Variants in EIF4E3 observed in about 807,000 individuals in gnomAD.
EIF4E3 encodes the protein eukaryotic translation initiation factor 4E family member 3.
Under a neutral mutation model 31.7 loss-of-function variants are expected in EIF4E3, and 26 were observed. That is an observed-to-expected ratio of 0.82 (90% CI 0.60 to 1.14). The LOEUF (loss-of-function observed/expected upper bound fraction) is 1.14. Ranked by LOEUF, EIF4E3 falls within the 50% of genes most tolerant of loss-of-function variation. EIF4E3 has a pLI of 0.00. For missense variants in EIF4E3, 304 were observed against 270.9 expected (o/e 1.12, Z -0.86); for synonymous variants, 128 against 107.7 (o/e 1.19, Z -1.17).
intron 1 of EIF4E3, among the ~76,000 whole-genome samples, chr3:71,741,192 G>GTGCACACA (rs1553669119): frequency 2.4e-5 from 3 of 125,850 alleles, no homozygotes; most frequent in South Asian, 2.4e-4. Context: ...GCACATGCAC[G>GTGCACACA]CGCACACACA....
intron 1 of EIF4E3, among the ~76,000 whole-genome samples, chr3:71,711,578 G>A (rs1377745605): frequency 2.6e-5 from 4 of 152,232 alleles, no homozygotes; most frequent in Admixed American, 6.5e-5. Context: ...AGAGGTGGAG[G>A]CAATGCCAAA....
chr3:71,698,754 G>T (rs1354042199), intron 3 of EIF4E3, among the ~76,000 whole-genome samples: 5 of 152,202 alleles, frequency 3.3e-5, no homozygotes, highest in African/African-American at 1.2e-4. Flanking sequence ...GCATAGGAAG[G>T]CCACTTTGCC....
intron 1 of EIF4E3, among the ~76,000 whole-genome samples, chr3:71,717,311 C>T (rs975925634): frequency 1.3e-5 from 2 of 152,128 alleles, no homozygotes. Context: ...GTAAGAAATG[C>T]TAACTTGGAA....
At chr3:71,702,754 A>C (rs1230854074) in intron 2 of EIF4E3, among the ~76,000 whole-genome samples, 1 of 151,534 alleles carries the variant, frequency 6.6e-6, no homozygotes, top group East Asian at 1.9e-4. Flanking sequence ...ATGTGTCATT[A>C]AACTGGTCTG....
At chr3:71,688,533 G>T (rs947017267) in intron 6 of EIF4E3, among the ~76,000 whole-genome samples, 1 of 152,206 alleles carries the variant, frequency 6.6e-6, no homozygotes, top group Admixed American at 6.5e-5. Context: ...AACCTAAAGT[G>T]CCTGACTTAA....
intron 6 of EIF4E3, among the ~76,000 whole-genome samples, chr3:71,688,513 G>A (rs1424579499): frequency 2.6e-5 from 4 of 152,190 alleles, no homozygotes; most frequent in African/African-American, 9.7e-5. Flanking sequence ...CACTGGTGAA[G>A]TGGGACAAAA....
chr3:71,745,959 G>A (rs567506948), intron 1 of EIF4E3, among the ~76,000 whole-genome samples: 25 of 151,770 alleles, frequency 1.6e-4, no homozygotes, highest in African/African-American at 5.8e-4. Flanking sequence ...GTTTCTTTTC[G>A]ATATTGAAAG....
At chr3:71,686,380 G>A (rs1046882222) in intron 6 of EIF4E3, among the ~76,000 whole-genome samples, 7 of 151,986 alleles carry the variant, frequency 4.6e-5, no homozygotes, top group African/African-American at 1.2e-4. Flanking sequence ...CATCTTGGAC[G>A]TTCACCCCAA....
intron 3 of EIF4E3, among the ~76,000 whole-genome samples, chr3:71,698,536 T>A (rs1414847428): frequency 6.6e-6 from 1 of 152,178 alleles, no homozygotes; most frequent in African/African-American, 2.4e-5. Flanking sequence ...TTCTGTGAGA[T>A]CCACTCAGGC....
intron 1 of EIF4E3, among the ~76,000 whole-genome samples, chr3:71,717,840 A>G (rs562616274): frequency 1.3e-5 from 2 of 152,342 alleles, no homozygotes; most frequent in East Asian, 3.9e-4. Context: ...TGAGAATTTT[A>G]TGGATAATTA....
At chr3:71,709,024 G>A (rs1340454220) in intron 2 of EIF4E3, among the ~76,000 whole-genome samples, 5 of 152,034 alleles carry the variant, frequency 3.3e-5, no homozygotes, top group African/African-American at 9.7e-5. Flanking sequence ...CTTACAATCA[G>A]ATTCCTGGGA....
upstream of EIF4E3, chr3:71,725,493 G>T: frequency 8.7e-6 from 3 of 343,824 alleles, no homozygotes; most frequent in Non-Finnish European, 1.2e-5. This position sits in a 1 kb window ranked among gnomAD's most constrained non-coding sequence, Gnocchi z 6.1. Flanking sequence ...GCCGCCCGCC[G>T]CCCGCCGCCC....
intron 1 of EIF4E3, among the ~76,000 whole-genome samples, chr3:71,717,083 T>G (rs924847675): frequency 6.6e-6 from 1 of 152,238 alleles, no homozygotes; most frequent in Non-Finnish European, 1.5e-5. Context: ...TATGTATGCC[T>G]AGAGATGCTT....
intron 1 of EIF4E3, among the ~76,000 whole-genome samples, chr3:71,743,738 TAC>T (rs1436856525): frequency 6.6e-6 from 1 of 152,090 alleles, no homozygotes; most frequent in Non-Finnish European, 1.5e-5. Context: ...CAATAATGAA[TAC>T]AGTGTGACAT....
chr3:71,699,026 G>A (rs1424281071), intron 3 of EIF4E3, among the ~76,000 whole-genome samples: 2 of 152,076 alleles, frequency 1.3e-5, no homozygotes, highest in African/African-American at 2.4e-5. Flanking sequence ...TTCAAGACCA[G>A]CCTGGGCAAC....
downstream of EIF4E3, among the ~76,000 whole-genome samples, chr3:71,673,444 G>T (rs551276220): frequency 1.4e-4 from 22 of 152,036 alleles, no homozygotes; most frequent in Middle Eastern, 3.4e-3. Context: ...AGCCTCTGTG[G>T]TTACTGAATT....
chr3:71,731,291 C>T (rs1360561099), intron 1 of EIF4E3, among the ~76,000 whole-genome samples: 1 of 152,180 alleles, frequency 6.6e-6, no homozygotes, highest in Non-Finnish European at 1.5e-5. Context: ...TTTCCAAATC[C>T]ATGGCTGATC....
chr3:71,725,215 C>A lies in EIF4E3; in HGVS notation c.153G>T (p.Ser51=). 2.6e-6 allele frequency: 3 copies of A among 1,142,046 alleles called. No homozygotes were observed. Among genetic ancestry groups the A allele is most frequent in the South Asian group, 2.3e-5 (1 of 43,952 alleles). The allele number at this position is 1,142,046 out of a possible 1,614,324, so 70.7% of individuals were successfully genotyped here. The part of the protein sequence containing the change: ...QPEPGGVPLH[S]SWTFWLDRSL... ...ACCTGTCGAGCCAGAAGGTCCAGGA[C>A]GAGTGCAGCGGGACCCCGCCCGGCT... The change falls in exon 1 of 7, where the codon TCG becomes TCT. Residue 51 remains serine (S), a synonymous_variant. Transcript: ENST00000425534. The surrounding 1 kb of genome is among the most constrained non-coding windows in gnomAD (Gnocchi z 6.1).
rs142408934 is a variant in EIF4E3 at position 71,692,017 on chromosome 3, T to C, written c.473-1852A>G. 9.0e-4 allele frequency among the ~76,000 whole-genome samples: 137 copies of C among 152,320 alleles called. 1 individual carries two copies. The highest frequency in any genetic ancestry group is 3.2e-3 in the African/African-American group (131 of 41,570). On this transcript the variant is annotated intron_variant, in intron 5 of 6. Transcript: ENST00000425534. ...ATTGGTCAAAGCGTAATGTAACTGA[T>C]GGATGCCGAACTGTCAATATTTCAG...
Sources: gnomAD v4.1 joint callset for allele counts (sites outside exome capture counted in the v4.1 genomes callset) on GRCh38, gnomAD v4.1.1 for gene constraint, Gnocchi (gnomAD v3.1) non-coding constraint, MANE v1.5 for transcripts, NCBI Gene and HGNC (gene_info 2026-07-23, HGNC 2026-07-21) for gene names.